NALF1: variants seen among roughly 807,000 people sequenced by gnomAD.
The protein encoded by NALF1 is NALCN channel auxiliary factor 1.
Under a neutral mutation model 48.4 loss-of-function variants are expected in NALF1, and 3 were observed. The observed-to-expected ratio is 0.06, with a 90% CI of 0.03 to 0.16. The LOEUF (loss-of-function observed/expected upper bound fraction) is 0.16. NALF1 is among the 10% of genes least tolerant of loss of function. NALF1 has a pLI of 1.00. For synonymous variants in NALF1, 262 were observed against 245.7 expected (o/e 1.07, Z -0.62); for missense variants, 526 against 571.5 (o/e 0.92, Z 0.81).
intron 1 of NALF1, among the ~76,000 whole-genome samples, chr13:107,485,287 G>A (rs1044444893): frequency 1.3e-5 from 2 of 152,100 alleles, no homozygotes; most frequent in Non-Finnish European, 2.9e-5. Context: ...TTTAATGATT[G>A]CTAATTAGTC....
intron 1 of NALF1, among the ~76,000 whole-genome samples, chr13:107,660,488 AAAG>A (rs1446453977): frequency 1.8e-4 from 25 of 137,504 alleles, no homozygotes; most frequent in Middle Eastern, 4.1e-3. Flanking sequence ...CACACACAAC[AAAG>A]AAACAAAAAA....
chr13:107,233,703 G>A (rs1003930442), intron 1 of NALF1, among the ~76,000 whole-genome samples: 1 of 152,180 alleles, frequency 6.6e-6, no homozygotes, highest in Non-Finnish European at 1.5e-5. Flanking sequence ...GCAGATCCCA[G>A]GCAGGAAGAG....
At chr13:107,386,563 C>T (rs1261743591) in intron 1 of NALF1, among the ~76,000 whole-genome samples, 1 of 152,188 alleles carries the variant, frequency 6.6e-6, no homozygotes, top group Non-Finnish European at 1.5e-5. Flanking sequence ...GTGATAAGCA[C>T]TCCAGTGCTT....
intron 1 of NALF1, among the ~76,000 whole-genome samples, chr13:107,709,430 C>A (rs1875503061): frequency 6.6e-6 from 1 of 152,136 alleles, no homozygotes; most frequent in Non-Finnish European, 1.5e-5. Flanking sequence ...TCATGACACC[C>A]TCTGTCAGGC....
chr13:107,533,781 C>G (rs1475393165), intron 1 of NALF1, among the ~76,000 whole-genome samples: 1 of 152,150 alleles, frequency 6.6e-6, no homozygotes, highest in Non-Finnish European at 1.5e-5. Flanking sequence ...TGATGCCTAA[C>G]ATGACACCAT....
At chr13:107,340,589 A>G (rs983313003) in intron 1 of NALF1, among the ~76,000 whole-genome samples, 1 of 151,368 alleles carries the variant, frequency 6.6e-6, no homozygotes, top group East Asian at 2.0e-4. Context: ...ACAGGAAGAG[A>G]GGAACAGTTG....
At chr13:107,848,734 A>G (rs1880237357) in intron 1 of NALF1, among the ~76,000 whole-genome samples, 2 of 151,268 alleles carry the variant, frequency 1.3e-5, no homozygotes, top group Non-Finnish European at 1.5e-5. Context: ...TGGAAACATA[A>G]TATTTCTCAT....
Position 107,590,358 on chromosome 13 carries a change from T to A in NALF1, c.915+275324A>T, listed in dbSNP as rs1166488914. On this transcript the variant is annotated intron_variant, in intron 1 of 2. Coordinates refer to ENST00000375915, the MANE Select transcript of NALF1 (RefSeq NM_001080396.3). ...TAGAAGAAAATGCAATTTACGACCT[T>A]CAGGATGATTATTGTATTGTGAGAT... Among the ~76,000 whole-genome samples, 3 of 152,014 alleles carry A rather than the reference T, an allele frequency of 2.0e-5. No individual in the cohort carries two copies. In the East Asian group the frequency reaches 5.8e-4, roughly 29 times the overall value.
At chr13:107,764,453 A>T (rs1877367150) in intron 1 of NALF1, among the ~76,000 whole-genome samples, 1 of 152,054 alleles carries the variant, frequency 6.6e-6, no homozygotes, top group Non-Finnish European at 1.5e-5. Context: ...GTTTGTGCGT[A>T]CGTATGTAGA....
chr13:107,500,015 C>A (rs1323678), intron 1 of NALF1, among the ~76,000 whole-genome samples: 56,591 of 151,956 alleles, frequency 0.37, 12,494 homozygotes, highest in Non-Finnish European at 0.5. Context: ...CAAAACAGAT[C>A]ACACACAGTT....
At chr13:107,781,040 G>A (rs1877872240) in intron 1 of NALF1, among the ~76,000 whole-genome samples, 2 of 152,114 alleles carry the variant, frequency 1.3e-5, no homozygotes, top group African/African-American at 2.4e-5. Context: ...TGGAACATAG[G>A]AGAAATGTCA....
At chr13:107,537,854 C>T (rs1479633061) in intron 1 of NALF1, among the ~76,000 whole-genome samples, 1 of 152,002 alleles carries the variant, frequency 6.6e-6, no homozygotes, top group African/African-American at 2.4e-5. Flanking sequence ...CTTGTCTCCA[C>T]TAAAAATACA....
At chr13:107,369,710 T>C (rs1401948611) in intron 1 of NALF1, among the ~76,000 whole-genome samples, 1 of 152,132 alleles carries the variant, frequency 6.6e-6, no homozygotes, top group Non-Finnish European at 1.5e-5. Context: ...TATCCAAATG[T>C]TATACAGTTT....
At chr13:107,824,206 T>C (rs1879443628) in intron 1 of NALF1, among the ~76,000 whole-genome samples, 1 of 152,124 alleles carries the variant, frequency 6.6e-6, no homozygotes, top group African/African-American at 2.4e-5. Context: ...TGTCTGATTG[T>C]TAATATAGGG....
chr13:107,285,817 T>G (rs1056665024), intron 1 of NALF1, among the ~76,000 whole-genome samples: 1 of 151,962 alleles, frequency 6.6e-6, no homozygotes, highest in Non-Finnish European at 1.5e-5. Context: ...GAGTCAAAGA[T>G]TCCTAGAAAT....
Position 107,834,754 on chromosome 13 carries a change from G to C in NALF1, c.915+30928C>G, listed in dbSNP as rs540166405. Among the ~76,000 whole-genome samples, 205 of 152,276 alleles carry C rather than the reference G, an allele frequency of 1.3e-3. 2 individuals carry two copies. Among genetic ancestry groups the C allele is most frequent in the Admixed American group, 4.9e-3 (75 of 15,292 alleles). Reference sequence around the variant, plus strand: ...GATATTTCAACTCTGCTAAGGTATGGTATGCAATTTAATTTTGAATATTCT... The same window carrying C: ...GATATTTCAACTCTGCTAAGGTATGCTATGCAATTTAATTTTGAATATTCT... On this transcript the variant is annotated intron_variant, in intron 1 of 2. Coordinates refer to ENST00000375915, the MANE Select transcript of NALF1 (RefSeq NM_001080396.3).
chr13:107,173,460 C>T lies in NALF1; in HGVS notation c.1088-2674G>A, dbSNP rs914321906. Among the ~76,000 whole-genome samples, 9 of 152,058 alleles carry T rather than the reference C, an allele frequency of 5.9e-5. No individual in the cohort carries two copies. In the East Asian group the frequency reaches 9.7e-4, roughly 16 times the overall value. ...CAGATAATACTTGTCTTGTTATTTT[C>T]CCTCTTCTAACTCATTCAACCCAAA... On this transcript the variant is annotated intron_variant, in intron 2 of 2. Transcript: ENST00000375915.
At chr13:107,188,560 T>C (rs565416509) in intron 2 of NALF1, among the ~76,000 whole-genome samples, 1 of 152,190 alleles carries the variant, frequency 6.6e-6, no homozygotes, top group Non-Finnish European at 1.5e-5. Context: ...AATACATTTA[T>C]AAACAAGTAG....
At chr13:107,435,564 C>T (rs1312703114) in intron 1 of NALF1, among the ~76,000 whole-genome samples, 3 of 152,102 alleles carry the variant, frequency 2.0e-5, no homozygotes, top group African/African-American at 7.2e-5. Context: ...CTATCAGTTT[C>T]AATGCAGTTA....
Sources: allele counts gnomAD v4.1 joint callset (sites outside exome capture counted in the v4.1 genomes callset), GRCh38; gene constraint gnomAD v4.1.1; transcripts MANE v1.5; gene names NCBI Gene and HGNC (gene_info 2026-07-23, HGNC 2026-07-21).